HMCN1: variants seen among roughly 807,000 people sequenced by gnomAD.
The protein encoded by HMCN1 is hemicentin 1, also known as hemicentin-1.
HMCN1 carries 321 observed loss-of-function variants against 625.9 expected under a neutral mutation model. That is an observed-to-expected ratio of 0.51 (90% CI 0.47 to 0.56). The LOEUF (loss-of-function observed/expected upper bound fraction) is 0.56, where lower values mean the gene tolerates loss of function less well. HMCN1 is among the 20% of genes least tolerant of loss of function. The probability of loss-of-function intolerance (pLI) is 0.00; values close to 1 mark genes in which losing one functional copy is unlikely to be tolerated. For synonymous variants in HMCN1, 2,425 were observed against 2,417.6 expected (o/e 1.00, Z -0.09); for missense variants, 6,588 against 6,887.3 (o/e 0.96, Z 1.54).
rs749033490 is a variant in HMCN1, at chr1:186,151,350, G to T, written c.14758+1G>T. 2 of 1,612,856 alleles carry T rather than the reference G, an allele frequency of 1.2e-6. No homozygotes were observed. Among genetic ancestry groups the T allele is most frequent in the Non-Finnish European group, 8.5e-7 (1 of 1,179,174 alleles). On this transcript the variant is annotated splice_donor_variant, in intron 94 of 106. Coordinates refer to ENST00000271588, the MANE Select transcript of HMCN1 (RefSeq NM_031935.3). LOFTEE classifies it high-confidence loss of function. The stretch of plus-strand genomic sequence containing the variant: ...ATTACCAATGTACCTCGTAGTCTTG[G>T]TAAGTCTTTGCCTCAAGCCTCTTTT...
At position 185,989,467 on chromosome 1, in the gene HMCN1, G is replaced by A. The variant is rs543731592; in HGVS notation, c.3049-21G>A. ...CAAACAAACAAACAAAAAACCCTTT[G>A]CTTTTCGCCGTGTTTTGCAGAAAGG... is the stretch of plus-strand genomic sequence containing the variant. On this transcript the variant is annotated intron_variant, in intron 20 of 106. Coordinates refer to ENST00000271588, the MANE Select transcript of HMCN1 (RefSeq NM_031935.3). 3 of 1,613,208 alleles carry A rather than the reference G, an allele frequency of 1.9e-6. No homozygotes were observed. In the South Asian group the frequency reaches 3.3e-5, roughly 18 times the overall value.
Position 186,001,756 on chromosome 1 carries a change from C to G in HMCN1, c.4348+15C>G. On this transcript the variant is annotated intron_variant, in intron 28 of 106. Transcript: ENST00000271588. ...TGATGTGCTAGGTAAGAAATACATCCTTTTAAAAAACTACAATTCAGAAGC... is the reference window on the plus strand; with the variant it reads ...TGATGTGCTAGGTAAGAAATACATCGTTTTAAAAAACTACAATTCAGAAGC... 6.2e-7 allele frequency: 1 copy of G among 1,604,280 alleles called. No homozygotes were observed. Among genetic ancestry groups the G allele is most frequent in the South Asian group, 1.1e-5 (1 of 90,824 alleles).
intron 4 of HMCN1, among the ~76,000 whole-genome samples, chr1:185,875,151 C>T (rs1012060463): frequency 5.3e-5 from 8 of 151,762 alleles, no homozygotes; most frequent in African/African-American, 1.9e-4. Context: ...AAAAGTCATA[C>T]CTAAAAATGT....
chr1:185,942,094 G>A (rs1044151521), intron 11 of HMCN1, among the ~76,000 whole-genome samples: 52 of 151,694 alleles, frequency 3.4e-4, no homozygotes, highest in African/African-American at 1.2e-3. Context: ...GGGAGGATGA[G>A]GCGGGAGAAT....
At chr1:185,856,965 C>T (rs755896170) in intron 2 of HMCN1, among the ~76,000 whole-genome samples, 3 of 152,070 alleles carry the variant, frequency 2.0e-5, no homozygotes, top group African/African-American at 4.8e-5. Context: ...TTTCCAACTC[C>T]TCTCACAGTT....
At chr1:186,124,473 T>C (rs1353144854) in intron 81 of HMCN1, among the ~76,000 whole-genome samples, 1 of 151,876 alleles carries the variant, frequency 6.6e-6, no homozygotes. Flanking sequence ...AAAAGACAAA[T>C]AGCAACCCAA....
rs1654588479 is a variant in HMCN1, at chr1:186,019,625, G to T, written c.5555G>T (p.Gly1852Val). The T allele has an allele frequency of 1.4e-5, 23 of 1,611,622 alleles. No individual in the cohort carries two copies. The highest frequency in any genetic ancestry group is 2.0e-5 in the Non-Finnish European group (23 of 1,178,168). The part of the protein sequence containing the change: ...KPVALQCIAN[G>V]IPNPSITWLK... ...GTCGCCTTGCAGTGCATAGCCAATG[G>T]GATTCCAAATCCTTCCATTACATGG... is the stretch of plus-strand genomic sequence containing the variant. Residue 1852 changes from glycine (G) to valine (V), a missense_variant, in exon 35 of 107, where the codon GGG (glycine) becomes GTG (valine). This residue lies in a region of HMCN1 where 4,628 missense variants were observed against 4,853.1 expected (regional missense o/e 0.95). Transcript: ENST00000271588.
At chr1:186,025,248 G>C (rs1311191614) in intron 36 of HMCN1, among the ~76,000 whole-genome samples, 1 of 152,106 alleles carries the variant, frequency 6.6e-6, no homozygotes, top group Non-Finnish European at 1.5e-5. Flanking sequence ...ACCTCCTGCT[G>C]TGTGGCCCAG....
intron 1 of HMCN1, among the ~76,000 whole-genome samples, chr1:185,841,700 G>T (rs1661488050): frequency 6.6e-6 from 1 of 152,170 alleles, no homozygotes; most frequent in Admixed American, 6.5e-5. Context: ...TATGGTAGAT[G>T]CTGGCTATCA....
Position 185,817,463 on chromosome 1 carries a change from G to T in HMCN1, c.269-28563G>T, listed in dbSNP as rs562895935. ...CAGGGCGGGGTGTGTGAGGGGACAA[G>T]TTGGAAAAAAGGCAGAAGAGAAAGG... On this transcript the variant is annotated intron_variant, in intron 1 of 106. Transcript: ENST00000271588. Among the ~76,000 whole-genome samples, 32 of 152,204 alleles carry T rather than the reference G, an allele frequency of 2.1e-4. 1 individual carries two copies. Among genetic ancestry groups the T allele is most frequent in the African/African-American group, 7.5e-4 (31 of 41,542 alleles).
chr1:185,846,190 G>C (rs1661802207), intron 2 of HMCN1, 94 bp downstream of exon 2: 4 of 1,013,080 alleles, frequency 3.9e-6, no homozygotes, highest in Non-Finnish European at 6.1e-6. Flanking sequence ...AGACATAGTT[G>C]TTGGCTTTTT....
At chr1:186,116,587 G>A (rs987442559) in intron 75 of HMCN1, among the ~76,000 whole-genome samples, 1 of 152,250 alleles carries the variant, frequency 6.6e-6, no homozygotes, top group East Asian at 1.9e-4. Flanking sequence ...AGGTTATTGT[G>A]AAATTTAAAG....
intron 39 of HMCN1, 112 bp from the exon 40 acceptor site, chr1:186,040,901 T>A: frequency 8.6e-7 from 1 of 1,158,466 alleles, no homozygotes; most frequent in Non-Finnish European, 1.3e-6. Context: ...AGGGAAAATC[T>A]TCCTAAAAGG....
rs1297239048 is a variant in HMCN1, at chr1:185,909,367, G to A, written c.652G>A (p.Ala218Thr). The change falls in exon 5 of 107, where the codon GCC (alanine) becomes ACC (threonine). Residue 218 changes from alanine (A) to threonine (T), a missense_variant. Physicochemically the swap from Ala to Thr is moderately conservative, Grantham distance 58 (BLOSUM62 0). This residue lies in a region of HMCN1 where 4,628 missense variants were observed against 4,853.1 expected (regional missense o/e 0.95). Transcript: ENST00000271588. ...VLKWVEEAVQ[A>T]SKVHLLSTDH... ...AAAATGGGTAGAAGAAGCAGTACAG[G>A]CCTCCAAAGTTCACCTTTTATCCAC... 2 of 1,612,834 alleles carry A rather than the reference G, an allele frequency of 1.2e-6. No individual in the cohort carries two copies. Among genetic ancestry groups the A allele is most frequent in the Admixed American group, 1.7e-5 (1 of 59,940 alleles).
chr1:185,811,132 C>CT (rs1450508516), intron 1 of HMCN1, among the ~76,000 whole-genome samples: 1 of 152,004 alleles, frequency 6.6e-6, no homozygotes, highest in African/African-American at 2.4e-5. Context: ...ACATATAGGA[C>CT]TTAAGATAGG....
At position 185,846,023 on chromosome 1, in the gene HMCN1, C is replaced by A; in HGVS notation, c.269-3C>A. On this transcript the variant is annotated splice_polypyrimidine_tract_variant and splice_region_variant and intron_variant, in intron 1 of 106. Coordinates refer to ENST00000271588, the MANE Select transcript of HMCN1 (RefSeq NM_031935.3). ...TTGACCTATGTTATTTTTATCTTCACAGAAATTGGCCCAGTGACAATTACC... is the reference window on the plus strand; with the variant it reads ...TTGACCTATGTTATTTTTATCTTCAAAGAAATTGGCCCAGTGACAATTACC... 1 of 1,595,398 alleles carries A rather than the reference C, an allele frequency of 6.3e-7. No homozygotes were observed. Among genetic ancestry groups the A allele is most frequent in the Non-Finnish European group, 8.6e-7 (1 of 1,163,312 alleles).
At chr1:186,183,127 T>C (rs1653043963) in intron 105 of HMCN1, among the ~76,000 whole-genome samples, 1 of 152,204 alleles carries the variant, frequency 6.6e-6, no homozygotes, top group Non-Finnish European at 1.5e-5. Flanking sequence ...GCTTTTGAAC[T>C]GTATTAATTT....
At chr1:185,826,566 G>A (rs1196279335) in intron 1 of HMCN1, among the ~76,000 whole-genome samples, 1 of 152,068 alleles carries the variant, frequency 6.6e-6, no homozygotes, top group African/African-American at 2.4e-5. Context: ...GGACAAACTA[G>A]GTGCACCAAC....
chr1:186,058,964 G>C (rs1657515735), intron 46 of HMCN1, among the ~76,000 whole-genome samples: 1 of 151,974 alleles, frequency 6.6e-6, no homozygotes, highest in Admixed American at 6.6e-5. Context: ...CCTCAGACTA[G>C]TTACTTAACT....
Sources: allele counts gnomAD v4.1 joint callset (sites outside exome capture counted in the v4.1 genomes callset), GRCh38; gene constraint gnomAD v4.1.1; regional missense constraint gnomAD v4.1.1; transcripts MANE v1.5; gene names NCBI Gene and HGNC (gene_info 2026-07-23, HGNC 2026-07-21).